Variants in SEMA5A observed in about 807,000 individuals in gnomAD.
SEMA5A encodes semaphorin-5A.
In SEMA5A, 55 loss-of-function variants were observed where a neutral mutation model predicts 135.5. The observed-to-expected ratio is 0.41, with a 90% confidence interval of 0.33 to 0.51. The LOEUF is 0.51. SEMA5A is among the 20% of genes least tolerant of loss of function. SEMA5A has a pLI of 0.37. For synonymous variants in SEMA5A, 580 were observed against 546.5 expected (o/e 1.06, Z -0.85); for missense variants, 1,290 against 1,419.9 (o/e 0.91, Z 1.47).
At chr5:9,511,579 T>C (rs556101875) in intron 1 of SEMA5A, among the ~76,000 whole-genome samples, 3 of 152,330 alleles carry the variant, frequency 2.0e-5, no homozygotes, top group Admixed American at 1.3e-4. Context: ...TGAAATATTG[T>C]AGTGTAATTT....
At chr5:9,310,852 CA>C (rs1202750048) in intron 5 of SEMA5A, among the ~76,000 whole-genome samples, 1 of 148,402 alleles carries the variant, frequency 6.7e-6, no homozygotes, top group Non-Finnish European at 1.5e-5. Flanking sequence ...TATATACACA[CA>C]ATATATATAT....
At chr5:9,307,436 CA>C (rs1208551701) in intron 5 of SEMA5A, among the ~76,000 whole-genome samples, 2 of 151,710 alleles carry the variant, frequency 1.3e-5, no homozygotes, top group African/African-American at 4.8e-5. Flanking sequence ...AAAGAGTCAA[CA>C]AATTAAGGGT....
chr5:9,320,458 C>T (rs536609578), intron 4 of SEMA5A, among the ~76,000 whole-genome samples: 27 of 152,310 alleles, frequency 1.8e-4, no homozygotes, highest in African/African-American at 5.8e-4. Flanking sequence ...CCCCGTAATC[C>T]CAGCACTGTG....
chr5:9,386,366 T>C (rs1755890325), intron 2 of SEMA5A, among the ~76,000 whole-genome samples: 4 of 152,192 alleles, frequency 2.6e-5, no homozygotes, highest in African/African-American at 7.2e-5. Flanking sequence ...GTATTCAGCT[T>C]CTGCCTTTCA....
chr5:9,172,442 A>G (rs1394728573), intron 11 of SEMA5A, among the ~76,000 whole-genome samples: 1 of 152,228 alleles, frequency 6.6e-6, no homozygotes, highest in Non-Finnish European at 1.5e-5. Context: ...TTTAAAATTA[A>G]TCAAATGATC....
chr5:9,045,375 C>T (rs1736193343), intron 21 of SEMA5A, among the ~76,000 whole-genome samples: 1 of 152,186 alleles, frequency 6.6e-6, no homozygotes, highest in Admixed American at 6.5e-5. Flanking sequence ...CTGCTTTTAG[C>T]TCTCTCTCCA....
At chr5:9,069,697 T>C (rs1298014259) in intron 16 of SEMA5A, among the ~76,000 whole-genome samples, 34 of 152,320 alleles carry the variant, frequency 2.2e-4, no homozygotes, top group Middle Eastern at 3.4e-3. Flanking sequence ...TAATACTCTC[T>C]AGGCATTCCT....
chr5:9,446,324 AAG>A (rs1264178205), intron 1 of SEMA5A, among the ~76,000 whole-genome samples: 2 of 152,184 alleles, frequency 1.3e-5, no homozygotes, highest in African/African-American at 4.8e-5. Context: ...GAGGGAAAGA[AAG>A]AGAGGGGGCA....
In SEMA5A at chr5:9,042,794, A is replaced by C. The variant is rs1017645559; in HGVS notation, c.*103T>G. On this transcript the variant is annotated 3_prime_UTR_variant, in exon 23 of 23. Transcript: ENST00000382496. Reference sequence around the variant, plus strand: ...TCTGGTGGCTTGAAATGCACTTGAAATGTATCCAAACTTCGACTCTGAAGC... The same window carrying C: ...TCTGGTGGCTTGAAATGCACTTGAACTGTATCCAAACTTCGACTCTGAAGC... The C allele has an allele frequency of 7.0e-7, 1 of 1,424,496 alleles. No homozygotes were observed. Among genetic ancestry groups the C allele is most frequent in the African/African-American group, 1.4e-5 (1 of 69,862 alleles). 88.2% of individuals were successfully genotyped at this position (1,424,496 alleles called of 1,614,324 possible).
chr5:9,344,661 T>A (rs1205723), intron 3 of SEMA5A, among the ~76,000 whole-genome samples: 104,206 of 152,096 alleles, frequency 0.69, 36,135 homozygotes, highest in South Asian at 0.76. Flanking sequence ...TTTATCTCCC[T>A]CAAATGACTT....
intron 14 of SEMA5A, among the ~76,000 whole-genome samples, chr5:9,119,414 T>G (rs1476793224): frequency 1.3e-5 from 2 of 152,168 alleles, no homozygotes; most frequent in Non-Finnish European, 2.9e-5. Context: ...TTAGAAACTA[T>G]CAAAAAACTT....
rs1806016 is a variant in SEMA5A at position 9,232,429 on chromosome 5, C to A, written c.333+5399G>T. ...ATTGCATGAGCCTTTCAAAGTTGAA[C>A]CCACATCAACCTAAATCATGATTAC... On this transcript the variant is annotated intron_variant, in intron 6 of 22. Transcript: ENST00000382496. Among the ~76,000 whole-genome samples the A allele has an allele frequency of 8.7e-3, 1,317 of 152,202 alleles. 17 individuals carry two copies. Among genetic ancestry groups the A allele is most frequent in the Middle Eastern group, 0.027 (8 of 294 alleles).
rs1168182126 is a variant in SEMA5A, at chr5:9,204,825, C to G, written c.647-2585G>C. Among the ~76,000 whole-genome samples, 1 of 152,172 alleles carries G rather than the reference C, an allele frequency of 6.6e-6. No homozygotes were observed. The highest frequency in any genetic ancestry group is 1.5e-5 in the Non-Finnish European group (1 of 68,036). On this transcript the variant is annotated intron_variant, in intron 8 of 22. Transcript: ENST00000382496. The surrounding 1 kb of genome is among the most constrained non-coding windows in gnomAD (Gnocchi z 6.4). ...AGGCAAATGAATGTTACCTCCTGAG[C>G]TCCGCCTCCCGTCAGATCAGTGGCA...
intron 1 of SEMA5A, among the ~76,000 whole-genome samples, chr5:9,454,641 G>T (rs1027189266): frequency 2.0e-5 from 3 of 152,132 alleles, no homozygotes; most frequent in African/African-American, 7.2e-5. Context: ...AAAAAGCAAA[G>T]TGATTCATAA....
chr5:9,507,460 T>C (rs1735956893), intron 1 of SEMA5A, among the ~76,000 whole-genome samples: 2 of 152,232 alleles, frequency 1.3e-5, no homozygotes, highest in South Asian at 4.1e-4. Context: ...TTGTCATATA[T>C]GCTTTTCCAT....
chr5:9,509,695 T>C (rs1341182100), intron 1 of SEMA5A, among the ~76,000 whole-genome samples: 1 of 152,198 alleles, frequency 6.6e-6, no homozygotes, highest in Non-Finnish European at 1.5e-5. Flanking sequence ...CTAAACTCTG[T>C]AAGAAGCCTC....
intron 8 of SEMA5A, among the ~76,000 whole-genome samples, chr5:9,217,253 G>A (rs764925675): frequency 6.1e-4 from 93 of 152,220 alleles, no homozygotes; most frequent in Non-Finnish European, 9.4e-4. Flanking sequence ...AAGTTTAGCC[G>A]GATATGAAAT....
chr5:9,127,057 C>T (rs539401580), intron 13 of SEMA5A, among the ~76,000 whole-genome samples: 6 of 152,250 alleles, frequency 3.9e-5, no homozygotes, highest in African/African-American at 1.4e-4. Flanking sequence ...TTTTCCTTGC[C>T]TCAAAATTTA....
chr5:9,259,030 G>A (rs950821302), intron 5 of SEMA5A, among the ~76,000 whole-genome samples: 11 of 151,924 alleles, frequency 7.2e-5, no homozygotes, highest in Middle Eastern at 3.2e-3. Flanking sequence ...CCATGTTGGC[G>A]AGGTTAGTCT....
Sources: allele counts gnomAD v4.1 joint callset (sites outside exome capture counted in the v4.1 genomes callset), GRCh38; gene constraint gnomAD v4.1.1; non-coding constraint Gnocchi (gnomAD v3.1); transcripts MANE v1.5; gene names NCBI Gene and HGNC (gene_info 2026-07-23, HGNC 2026-07-21).